The following LGR5 variants were observed in gnomAD, a reference collection of about 807,000 sequenced individuals.
The protein encoded by LGR5 is leucine-rich repeat-containing G protein-coupled receptor 5.
A neutral mutation model predicts 76.7 loss-of-function variants in LGR5; 54 were observed. The ratio of observed to expected loss-of-function variants is 0.70; its 90% CI spans 0.57 to 0.88. The LOEUF is 0.88. LGR5 is among the 40% of genes least tolerant of loss of function. The pLI is 0.00. For missense variants in LGR5, 1,078 were observed against 1,073.3 expected (o/e 1.00, Z -0.06); for synonymous variants, 406 against 421.9 (o/e 0.96, Z 0.46).
At chr12:71,529,961 A>T (rs937843699) in intron 3 of LGR5, among the ~76,000 whole-genome samples, 7 of 151,806 alleles carry the variant, frequency 4.6e-5, no homozygotes, top group African/African-American at 1.7e-4. Flanking sequence ...GTCTCCAAAA[A>T]AAAAAAAAAA....
chr12:71,572,746 T>C lies in LGR5; in HGVS notation c.1137-104T>C, dbSNP rs12297579. The C allele has an allele frequency of 6.4e-4, 489 of 768,646 alleles. 4 individuals carry two copies. In the African/African-American group the frequency reaches 7.8e-3, roughly 12 times the overall value. 47.6% of individuals were successfully genotyped at this position (768,646 alleles called of 1,614,324 possible). A position where few individuals can be genotyped will look rare whatever the true frequency, so the allele number is the denominator to read the frequency against. On this transcript the variant is annotated intron_variant, in intron 12 of 17. Transcript: ENST00000266674. ...CACTTGATAGATACACTTCATGTGT[T>C]CCTTTGATTAAGGGCAGGTAGTCCC...
chr12:71,510,662 C>A (rs1302882736), intron 2 of LGR5, among the ~76,000 whole-genome samples: 1 of 152,124 alleles, frequency 6.6e-6, no homozygotes, highest in Non-Finnish European at 1.5e-5. Context: ...AGATAATAAG[C>A]AAGGACACAA....
intron 4 of LGR5, among the ~76,000 whole-genome samples, chr12:71,543,978 G>C (rs1006122127): frequency 6.6e-6 from 1 of 152,196 alleles, no homozygotes; most frequent in Non-Finnish European, 1.5e-5. Flanking sequence ...AGAAGTTATT[G>C]CTCACATTAC....
intron 2 of LGR5, among the ~76,000 whole-genome samples, chr12:71,519,855 A>AAAT (rs1216961469): frequency 2.7e-5 from 4 of 150,666 alleles, no homozygotes; most frequent in East Asian, 1.9e-4. Context: ...TAAATATAAA[A>AAAT]AATAATAATA....
intron 1 of LGR5, among the ~76,000 whole-genome samples, chr12:71,457,407 G>A (rs1258677652): frequency 6.6e-6 from 1 of 152,034 alleles, no homozygotes; most frequent in African/African-American, 2.4e-5. Context: ...CTATGGGCTG[G>A]TTAAAAGTAA....
In LGR5 at chr12:71,550,161, AT is replaced by A. The variant is rs1048262855; in HGVS notation, c.429-2905del. On this transcript the variant is annotated intron_variant, in intron 4 of 17. Transcript: ENST00000266674. ...CTTTTTTGTCATTTTCAAGACTTTT[AT>A]TTTTTTATTTTTTTTTTATTTTCTG... 1.2e-3 allele frequency among the ~76,000 whole-genome samples: 186 copies of A among 150,414 alleles called. 1 individual carries two copies. Among genetic ancestry groups the A allele is most frequent in the African/African-American group, 4.4e-3 (178 of 40,088 alleles).
chr12:71,511,142 C>T (rs1193686145), intron 2 of LGR5, among the ~76,000 whole-genome samples: 1 of 152,234 alleles, frequency 6.6e-6, no homozygotes, highest in Middle Eastern at 3.4e-3. Context: ...ATTATGGAAG[C>T]CGAAGGACCT....
At chr12:71,543,618 G>A (rs1876994805) in intron 4 of LGR5, among the ~76,000 whole-genome samples, 1 of 152,236 alleles carries the variant, frequency 6.6e-6, no homozygotes, top group Non-Finnish European at 1.5e-5. Context: ...TAATGTGGAA[G>A]AACTGTAGAT....
intron 4 of LGR5, among the ~76,000 whole-genome samples, chr12:71,546,551 C>T (rs1877175418): frequency 6.6e-6 from 1 of 152,088 alleles, no homozygotes; most frequent in Non-Finnish European, 1.5e-5. Flanking sequence ...TCTGGGGAGT[C>T]ACCAAGTTCT....
chr12:71,567,316 G>A (rs10879296), intron 11 of LGR5: 1 of 204,570 alleles, frequency 4.9e-6, no homozygotes, highest in Non-Finnish European at 1.0e-5. Context: ...CTTGATAAAG[G>A]TGATCAAACA....
rs766226197 is a variant in LGR5 at position 71,549,087 on chromosome 12, A to C, written c.429-3986A>C. On this transcript the variant is annotated intron_variant, in intron 4 of 17. Coordinates refer to ENST00000266674, the MANE Select transcript of LGR5 (RefSeq NM_003667.4). ...CCTGAAAAGACCAGATTGACGTAATATGAACTCTTTGTTTACTTGCTGAAT... is the reference window on the plus strand; with the variant it reads ...CCTGAAAAGACCAGATTGACGTAATCTGAACTCTTTGTTTACTTGCTGAAT... 6.6e-5 allele frequency among the ~76,000 whole-genome samples: 10 copies of C among 152,370 alleles called. 1 individual carries two copies. The highest frequency in any genetic ancestry group is 6.8e-3 in the Middle Eastern group (2 of 294).
intron 2 of LGR5, among the ~76,000 whole-genome samples, chr12:71,513,554 C>G (rs563281015): frequency 6.6e-6 from 1 of 152,292 alleles, no homozygotes; most frequent in African/African-American, 2.4e-5. Context: ...GAGCAAATAA[C>G]CTCCCTTTGG....
chr12:71,462,738 C>T (rs556674884), intron 1 of LGR5, among the ~76,000 whole-genome samples: 2 of 152,282 alleles, frequency 1.3e-5, no homozygotes, highest in South Asian at 2.1e-4. Flanking sequence ...TGACTAATTC[C>T]GTCTTCCTCT....
intron 4 of LGR5, among the ~76,000 whole-genome samples, chr12:71,539,154 A>G (rs1190958542): frequency 6.6e-6 from 1 of 152,196 alleles, no homozygotes; most frequent in African/African-American, 2.4e-5. Context: ...TCTTCATTTT[A>G]ACAAAATCCT....
chr12:71,571,120 A>T (rs941326123), intron 11 of LGR5: 2 of 153,724 alleles, frequency 1.3e-5, no homozygotes, highest in African/African-American at 4.8e-5. Context: ...TTTTTTAAAG[A>T]GTTGATTAGA....
At position 71,572,887 on chromosome 12, in the gene LGR5, G is replaced by C; in HGVS notation, c.1174G>C (p.Asp392His). ...TAATGAAATCTACGAAATTAAAGTT[G>C]ACACTTTCCAGCAGTTGCTTAGCCT... is the stretch of plus-strand genomic sequence containing the variant. The part of the protein sequence containing the change: ...RHNEIYEIKV[D>H]TFQQLLSLRS... The change falls in exon 13 of 18, where the codon GAC becomes CAC. Residue 392 changes from aspartate to histidine, a missense_variant. Asp to His is a moderately conservative substitution (Grantham distance 81, BLOSUM62 -1). Coordinates refer to ENST00000266674, the MANE Select transcript of LGR5 (RefSeq NM_003667.4). 2 of 1,613,830 alleles carry C rather than the reference G, an allele frequency of 1.2e-6. No individual in the cohort carries two copies. Among genetic ancestry groups the C allele is most frequent in the Non-Finnish European group, 1.7e-6 (2 of 1,179,818 alleles).
chr12:71,527,810 C>A (rs76269708), intron 3 of LGR5, among the ~76,000 whole-genome samples: 7,162 of 152,196 alleles, frequency 0.047, 219 homozygotes, highest in Middle Eastern at 0.11. Flanking sequence ...TTTTTCTCAG[C>A]AATGTTGGTT....
chr12:71,516,425 C>A lies in LGR5; in HGVS notation c.285-7981C>A, dbSNP rs577701634. On this transcript the variant is annotated intron_variant, in intron 2 of 17. Transcript: ENST00000266674. Reference sequence around the variant, plus strand: ...GCTTAACTCTGAAAATGCTACTCAGCCAAGTGGACCCCTGTCGGACCATGG... The same window carrying A: ...GCTTAACTCTGAAAATGCTACTCAGACAAGTGGACCCCTGTCGGACCATGG... Among the ~76,000 whole-genome samples, 281 of 152,240 alleles carry A rather than the reference C, an allele frequency of 1.8e-3. 1 individual carries two copies. Among genetic ancestry groups the A allele is most frequent in the Non-Finnish European group, 3.0e-3 (205 of 68,028 alleles).
chr12:71,580,214 T>A, intron 15 of LGR5, 64 bp from the exon 16 acceptor site: 1 of 1,442,260 alleles, frequency 6.9e-7, no homozygotes. Flanking sequence ...TGAAAGAACA[T>A]GAACACTATA....
Sources: allele counts gnomAD v4.1 joint callset (sites outside exome capture counted in the v4.1 genomes callset), GRCh38; gene constraint gnomAD v4.1.1; transcripts MANE v1.5; gene names NCBI Gene and HGNC (gene_info 2026-07-23, HGNC 2026-07-21).